NAV2: variants seen among roughly 807,000 people sequenced by gnomAD.
NAV2 encodes helicase, APC down-regulated 1.
Under a neutral mutation model 223.2 loss-of-function variants are expected in NAV2, and 54 were observed. That is an observed-to-expected ratio of 0.24 (90% CI 0.19 to 0.30). The LOEUF (loss-of-function observed/expected upper bound fraction) is 0.30. NAV2 is among the 10% of genes least tolerant of loss of function. NAV2 has a pLI of 1.00. For synonymous variants in NAV2, 1,279 were observed against 1,239.3 expected (o/e 1.03, Z -0.67); for missense variants, 2,806 against 3,147.5 (o/e 0.89, Z 2.60).
chr11:20,095,633 C>A (rs775515899), intron 29 of NAV2, 39 bp from the exon 30 acceptor site: 5 of 1,435,070 alleles, frequency 3.5e-6, no homozygotes, highest in South Asian at 1.2e-5. Flanking sequence ...CAGAAAAGAT[C>A]CACCTGTTTT....
At chr11:19,547,885 C>T (rs187719080) in intron 1 of NAV2, among the ~76,000 whole-genome samples, 1 of 152,290 alleles carries the variant, frequency 6.6e-6, no homozygotes, top group East Asian at 1.9e-4. Context: ...TAAAACAAAG[C>T]AATTGCAGTC....
chr11:19,564,481 G>A (rs962124783), intron 1 of NAV2, among the ~76,000 whole-genome samples: 3 of 152,212 alleles, frequency 2.0e-5, no homozygotes, highest in Admixed American at 6.5e-5. Context: ...GCTCTGGCAG[G>A]CCCTCGGCAG....
intron 1 of NAV2, among the ~76,000 whole-genome samples, chr11:19,489,636 A>G (rs1006925818): frequency 2.0e-5 from 3 of 152,256 alleles, no homozygotes; most frequent in African/African-American, 7.2e-5. Context: ...AGCACATGCT[A>G]GAGAATCACC....
In NAV2 at chr11:19,544,975, C is replaced by T. The variant is rs114848544; in HGVS notation, c.75+193948C>T. ...GTGGAACACCTAGCAGATGGTTGGGCCAAAGTAAATGTCCCACTCTCCACC... is the reference window on the plus strand; with the variant it reads ...GTGGAACACCTAGCAGATGGTTGGGTCAAAGTAAATGTCCCACTCTCCACC... On this transcript the variant is annotated intron_variant, in intron 1 of 37. Coordinates refer to the NAV2 transcript ENST00000360655. Among the ~76,000 whole-genome samples the T allele has an allele frequency of 9.6e-4, 146 of 152,320 alleles. 1 individual carries two copies. The highest frequency in any genetic ancestry group is 3.3e-3 in the African/African-American group (138 of 41,574).
In NAV2 at chr11:19,859,137, C is replaced by CTTTTTTTTTTTTTTTTTTTTTTTTTTT. The variant is rs569446282; in HGVS notation, c.439-9766_439-9765insTTTTTTTTTTTTTTTTTTTTTTTTTTT. ...ATGGAGGAGTCCAAAATCATATTCT[C>CTTTTTTTTTTTTTTTTTTTTTTTTTTT]TTTTTTTTTTTTTTTTTTTTTTATT... On this transcript the variant is annotated intron_variant, in intron 3 of 37. Coordinates refer to ENST00000349880, the MANE Select transcript of NAV2 (RefSeq NM_145117.5). Among the ~76,000 whole-genome samples, 38 of 107,098 alleles carry CTTTTTTTTTTTTTTTTTTTTTTTTTTT rather than the reference C, an allele frequency of 3.5e-4. 1 individual carries two copies. Among genetic ancestry groups the CTTTTTTTTTTTTTTTTTTTTTTTTTTT allele is most frequent in the African/African-American group, 5.8e-4 (17 of 29,266 alleles). The allele number at this position is 107,098 out of a possible 152,430, so 70.3% of individuals were successfully genotyped here.
chr11:19,724,246 A>G (rs2152383064), intron 1 of NAV2, among the ~76,000 whole-genome samples: 1 of 152,354 alleles, frequency 6.6e-6, no homozygotes, highest in Non-Finnish European at 1.5e-5. Context: ...CAGTATTTTC[A>G]TCTCAGTTAG....
chr11:20,050,833 G>T (rs2057927559), intron 16 of NAV2, among the ~76,000 whole-genome samples: 1 of 152,154 alleles, frequency 6.6e-6, no homozygotes, highest in South Asian at 2.1e-4. Context: ...CCTCCAACAA[G>T]TCTGTTCTCC....
chr11:20,053,817 G>A (rs754339541), intron 17 of NAV2, among the ~76,000 whole-genome samples: 7 of 152,074 alleles, frequency 4.6e-5, no homozygotes, highest in Non-Finnish European at 8.8e-5. Flanking sequence ...GCCCAGTGAC[G>A]GCTCTTCTGA....
At chr11:19,533,680 C>G (rs2044095141) in intron 1 of NAV2, among the ~76,000 whole-genome samples, 4 of 151,388 alleles carry the variant, frequency 2.6e-5, no homozygotes, top group Admixed American at 6.6e-5. Context: ...CTGTCTGTCT[C>G]TCTCTCTCTC....
At chr11:20,074,788 G>A (rs1336790573) in intron 22 of NAV2, among the ~76,000 whole-genome samples, 1 of 59,726 alleles carries the variant, frequency 1.7e-5, no homozygotes, top group African/African-American at 1.0e-4. Context: ...CTTTCCATTT[G>A]CTTGGTAAAT....
chr11:19,441,429 G>GACAC (rs756829104), intron 1 of NAV2, among the ~76,000 whole-genome samples: 4 of 141,312 alleles, frequency 2.8e-5, no homozygotes, highest in East Asian at 2.2e-4. Context: ...AGGACACTGG[G>GACAC]ACACACACAC....
intron 7 of NAV2, among the ~76,000 whole-genome samples, chr11:19,936,042 T>A (rs63671762): frequency 2.9e-4 from 41 of 140,704 alleles, no homozygotes; most frequent in African/African-American, 9.8e-4. Flanking sequence ...TTTTTTTTTT[T>A]AATTTTAATA....
intron 10 of NAV2, among the ~76,000 whole-genome samples, chr11:19,980,079 G>T (rs2050161812): frequency 6.6e-6 from 1 of 152,164 alleles, no homozygotes; most frequent in African/African-American, 2.4e-5. Flanking sequence ...GGCAGAGAAG[G>T]CATTTGAACA....
chr11:19,648,450 T>G (rs1255808865), intron 1 of NAV2, among the ~76,000 whole-genome samples: 1 of 152,162 alleles, frequency 6.6e-6, no homozygotes, highest in African/African-American at 2.4e-5. Flanking sequence ...CTGGTAAACA[T>G]TTTCCCGCAC....
chr11:19,892,395 T>C, intron 5 of NAV2, 39 bp from the exon 6 acceptor site: 1 of 1,597,402 alleles, frequency 6.3e-7, no homozygotes, highest in Non-Finnish European at 8.5e-7. Flanking sequence ...GTTATTCTTC[T>C]GAGACTGAAT....
chr11:19,589,120 C>T (rs1242382541), intron 1 of NAV2, among the ~76,000 whole-genome samples: 1 of 152,162 alleles, frequency 6.6e-6, no homozygotes, highest in South Asian at 2.1e-4. Context: ...CCCAGGTGAG[C>T]TCACAGTCTA....
chr11:20,020,049 G>A (rs996485123), intron 11 of NAV2, among the ~76,000 whole-genome samples: 6 of 151,864 alleles, frequency 4.0e-5, no homozygotes, highest in Non-Finnish European at 7.4e-5. Context: ...ATATTTTTCA[G>A]CCTGCAGGGA....
chr11:19,988,215 C>T (rs1446402181), intron 11 of NAV2, among the ~76,000 whole-genome samples: 1 of 152,226 alleles, frequency 6.6e-6, no homozygotes, highest in Non-Finnish European at 1.5e-5. Flanking sequence ...ACACAACGGG[C>T]TGAGCCAGTT....
chr11:19,444,646 T>A (rs1851519887), intron 1 of NAV2, among the ~76,000 whole-genome samples: 1 of 152,138 alleles, frequency 6.6e-6, no homozygotes, highest in African/African-American at 2.4e-5. Context: ...CCACCAAGAG[T>A]TTGGATCTTA....
Sources: allele counts gnomAD v4.1 joint callset (sites outside exome capture counted in the v4.1 genomes callset), GRCh38; gene constraint gnomAD v4.1.1; transcripts MANE v1.5; gene names NCBI Gene and HGNC (gene_info 2026-07-23, HGNC 2026-07-21).